MYT1L: variants seen among roughly 807,000 people sequenced by gnomAD.
MYT1L encodes the protein myelin transcription factor 1-like protein.
MYT1L carries 12 observed loss-of-function variants against 126.7 expected under a neutral mutation model. That is an observed-to-expected ratio of 0.09 (90% CI 0.06 to 0.15). The LOEUF (loss-of-function observed/expected upper bound fraction) is 0.15, where lower values mean the gene tolerates loss of function less well. MYT1L is among the 10% of genes least tolerant of loss of function. The pLI is 1.00. For missense variants in MYT1L, 979 were observed against 1,585.2 expected, an observed-to-expected ratio of 0.62 and a Z score of 6.49; for synonymous variants, 541 against 604.2, an observed-to-expected ratio of 0.90 and a Z score of 1.53.
chr2:1,870,977 G>A (rs572601685), intron 18 of MYT1L, among the ~76,000 whole-genome samples: 1 of 152,284 alleles, frequency 6.6e-6, no homozygotes, highest in South Asian at 2.1e-4. Context: ...CCCTAGGCTG[G>A]GGCTGTGTGC....
At chr2:2,281,110 G>A (rs1376415937) in intron 2 of MYT1L, among the ~76,000 whole-genome samples, 1 of 152,116 alleles carries the variant, frequency 6.6e-6, no homozygotes, top group South Asian at 2.1e-4. Context: ...TCATGGGGGT[G>A]GTTACCCCAC....
At chr2:1,817,630 C>A (rs1207781013) in intron 21 of MYT1L, among the ~76,000 whole-genome samples, 1 of 152,194 alleles carries the variant, frequency 6.6e-6, no homozygotes, top group East Asian at 1.9e-4. Context: ...TGGAAGAGAA[C>A]CCTGGGAGCA....
intron 2 of MYT1L, among the ~76,000 whole-genome samples, chr2:2,248,203 A>G (rs1257639788): frequency 6.6e-6 from 1 of 152,114 alleles, no homozygotes; most frequent in Admixed American, 6.5e-5. Flanking sequence ...GAGTTATTAC[A>G]ACTTATATCA....
chr2:2,151,389 C>A (rs1575509910), intron 3 of MYT1L, among the ~76,000 whole-genome samples: 1 of 151,972 alleles, frequency 6.6e-6, no homozygotes, highest in Non-Finnish European at 1.5e-5. Context: ...GGGATGTACT[C>A]CCTCCCAATG....
intron 2 of MYT1L, among the ~76,000 whole-genome samples, chr2:2,194,762 C>T (rs745647428): frequency 2.6e-5 from 4 of 152,176 alleles, no homozygotes; most frequent in Non-Finnish European, 5.9e-5. Context: ...TCAAGAACAA[C>T]TTTAAGAACA....
chr2:2,163,689 G>A (rs1396760244), intron 3 of MYT1L, among the ~76,000 whole-genome samples: 1 of 150,822 alleles, frequency 6.6e-6, no homozygotes, highest in Admixed American at 6.6e-5. Flanking sequence ...CCGATACTGA[G>A]ATAGCGCCAC....
At chr2:1,987,943 G>A (rs575090781) in intron 5 of MYT1L, among the ~76,000 whole-genome samples, 5 of 152,320 alleles carry the variant, frequency 3.3e-5, no homozygotes, top group Admixed American at 6.5e-5. Context: ...CCTCTAGCAC[G>A]TGAGCTTTTG....
At chr2:2,118,504 A>T (rs1254690154) in intron 3 of MYT1L, among the ~76,000 whole-genome samples, 1 of 152,234 alleles carries the variant, frequency 6.6e-6, no homozygotes, top group African/African-American at 2.4e-5. Context: ...CTCTACTCAG[A>T]TATCCCATAG....
At chr2:2,100,147 A>C (rs1013191594) in intron 3 of MYT1L, among the ~76,000 whole-genome samples, 1 of 152,176 alleles carries the variant, frequency 6.6e-6, no homozygotes, top group Non-Finnish European at 1.5e-5. Context: ...AGAAGGATGT[A>C]TGTTATTTAT....
At chr2:2,179,971 T>C (rs2091232625) in intron 2 of MYT1L, among the ~76,000 whole-genome samples, 2 of 152,238 alleles carry the variant, frequency 1.3e-5, no homozygotes, top group Non-Finnish European at 2.9e-5. Context: ...TTCCTCTGAA[T>C]GATCAATGAG....
At chr2:1,976,380 G>A (rs1006669392) in intron 8 of MYT1L, among the ~76,000 whole-genome samples, 11 of 152,198 alleles carry the variant, frequency 7.2e-5, no homozygotes, top group Non-Finnish European at 1.5e-4. Flanking sequence ...GGTGGCTCAC[G>A]CCTATAATCC....
intron 8 of MYT1L, among the ~76,000 whole-genome samples, chr2:1,965,707 T>A (rs987166829): frequency 6.6e-6 from 1 of 152,200 alleles, no homozygotes; most frequent in Non-Finnish European, 1.5e-5. Context: ...CCCGCCATCA[T>A]CCTGACCTTA....
chr2:2,230,952 TC>T (rs1348969935), intron 2 of MYT1L, among the ~76,000 whole-genome samples: 1 of 152,148 alleles, frequency 6.6e-6, no homozygotes, highest in Non-Finnish European at 1.5e-5. Context: ...AGACGGCTGT[TC>T]AGGCCACACC....
chr2:2,137,885 C>T (rs1198880745), intron 3 of MYT1L, among the ~76,000 whole-genome samples: 1 of 152,192 alleles, frequency 6.6e-6, no homozygotes, highest in East Asian at 1.9e-4. Context: ...AAGAAACTAC[C>T]ATCAGAGTAA....
chr2:1,803,216 A>G (rs2035157205), intron 22 of MYT1L, among the ~76,000 whole-genome samples: 1 of 152,240 alleles, frequency 6.6e-6, no homozygotes, highest in South Asian at 2.1e-4. Context: ...TAAAGCAACT[A>G]AATTATGAAC....
intron 3 of MYT1L, among the ~76,000 whole-genome samples, chr2:2,169,719 G>A (rs1169919757): frequency 6.6e-6 from 1 of 152,096 alleles, no homozygotes; most frequent in Non-Finnish European, 1.5e-5. Context: ...ACCCCACCCG[G>A]TTGTGTGGCC....
chr2:2,327,942 A>G (rs1020264948), intron 1 of MYT1L, among the ~76,000 whole-genome samples: 10 of 152,230 alleles, frequency 6.6e-5, no homozygotes, highest in Non-Finnish European at 1.5e-4. Flanking sequence ...ATGTATTTCT[A>G]AAATAATGTC....
chr2:2,291,243 G>A (rs913198450), intron 1 of MYT1L, among the ~76,000 whole-genome samples: 6 of 152,190 alleles, frequency 3.9e-5, no homozygotes, highest in African/African-American at 9.7e-5. Flanking sequence ...CAAAGCCAAC[G>A]TACAGCCTTC....
At chr2:2,292,408 T>C (rs2095612974) in intron 1 of MYT1L, among the ~76,000 whole-genome samples, 1 of 152,236 alleles carries the variant, frequency 6.6e-6, no homozygotes, top group Non-Finnish European at 1.5e-5. Context: ...CGGTTGGCTA[T>C]GGAAAGAACT....
Sources: allele counts gnomAD v4.1 joint callset (sites outside exome capture counted in the v4.1 genomes callset), GRCh38; gene constraint gnomAD v4.1.1; transcripts MANE v1.5; gene names NCBI Gene and HGNC (gene_info 2026-07-23, HGNC 2026-07-21).